TCF4: variants seen among roughly 807,000 people sequenced by gnomAD.
The protein encoded by TCF4 is SL3-3 enhancer factor 2.
TCF4 carries 3 observed loss-of-function variants against 82.1 expected under a neutral mutation model. The ratio of observed to expected loss-of-function variants is 0.04; its 90% confidence interval spans 0.02 to 0.09. TCF4 has a LOEUF of 0.09. Ranked by LOEUF, TCF4 falls within the 10% of genes least tolerant of loss-of-function variation. The pLI, the probability that TCF4 is intolerant of heterozygous loss-of-function variation, is 1.00. For synonymous variants in TCF4, 276 were observed against 309.6 expected, an observed-to-expected ratio of 0.89 and a Z score of 1.14; for missense variants, 518 against 852.7, an observed-to-expected ratio of 0.61 and a Z score of 4.89.
At chr18:55,370,056 T>C (rs1161882847) in intron 6 of TCF4, among the ~76,000 whole-genome samples, 1 of 152,118 alleles carries the variant, frequency 6.6e-6, no homozygotes, top group Non-Finnish European at 1.5e-5. Flanking sequence ...AAGGCTGCAA[T>C]AGCTTTACCC....
intron 8 of TCF4, among the ~76,000 whole-genome samples, chr18:55,310,845 A>C (rs566671305): frequency 2.4e-4 from 36 of 152,326 alleles, no homozygotes; most frequent in African/African-American, 8.4e-4. Flanking sequence ...GTAGGGAAAA[A>C]ATGGTAATAC....
At chr18:55,444,219 A>G (rs894181230) in intron 5 of TCF4, among the ~76,000 whole-genome samples, 2 of 152,314 alleles carry the variant, frequency 1.3e-5, no homozygotes, top group Non-Finnish European at 2.9e-5. Context: ...TTAATGTTAA[A>G]AACACTTAAT....
chr18:55,522,112 T>A (rs1421890325), intron 3 of TCF4, among the ~76,000 whole-genome samples: 2 of 152,106 alleles, frequency 1.3e-5, no homozygotes, highest in Admixed American at 6.6e-5. Flanking sequence ...AACTAAAAAC[T>A]GGAAAAGACT....
At chr18:55,429,230 T>C (rs1159907986) in intron 5 of TCF4, among the ~76,000 whole-genome samples, 1 of 152,210 alleles carries the variant, frequency 6.6e-6, no homozygotes, top group Non-Finnish European at 1.5e-5. Context: ...GCCAGGGCCC[T>C]GGGCCATCCA....
At chr18:55,562,305 T>A (rs371093216) in intron 3 of TCF4, among the ~76,000 whole-genome samples, 2 of 152,234 alleles carry the variant, frequency 1.3e-5, no homozygotes, top group African/African-American at 4.8e-5. Context: ...GGAAGGATGA[T>A]TTTCATTTTT....
intron 8 of TCF4, 81 bp from the exon 9 acceptor site, chr18:55,279,737 C>G: frequency 6.3e-7 from 1 of 1,595,160 alleles, no homozygotes; most frequent in Admixed American, 1.7e-5. Context: ...AAGAAGTAGG[C>G]AGAAAGTGCT....
intron 8 of TCF4, among the ~76,000 whole-genome samples, chr18:55,348,560 C>T (rs146391406): frequency 1.8e-4 from 27 of 152,214 alleles, no homozygotes; most frequent in African/African-American, 6.3e-4. Flanking sequence ...GCAGCAACAC[C>T]TAAATTGTCT....
At chr18:55,392,155 G>A (rs1333318590) in intron 6 of TCF4, among the ~76,000 whole-genome samples, 2 of 150,342 alleles carry the variant, frequency 1.3e-5, no homozygotes, top group African/African-American at 2.4e-5. Flanking sequence ...AGTAGAGATG[G>A]CATTTCGCCA....
chr18:55,392,162 G>A (rs2093170998), intron 6 of TCF4, among the ~76,000 whole-genome samples: 2 of 150,358 alleles, frequency 1.3e-5, no homozygotes, highest in South Asian at 2.1e-4. Context: ...ATGGCATTTC[G>A]CCATGTTCGT....
At chr18:55,247,609 C>G (rs968882935) in intron 15 of TCF4, among the ~76,000 whole-genome samples, 1 of 152,144 alleles carries the variant, frequency 6.6e-6, no homozygotes, top group Non-Finnish European at 1.5e-5. Context: ...CTTTCTTAAG[C>G]ACTGTGTTCA....
At chr18:55,304,064 G>C (rs978643375) in intron 8 of TCF4, among the ~76,000 whole-genome samples, 2 of 152,106 alleles carry the variant, frequency 1.3e-5, no homozygotes, top group African/African-American at 2.4e-5. Context: ...GTTAAGGAAA[G>C]GATATTAGCA....
At chr18:55,319,120 T>C (rs941455446) in intron 8 of TCF4, among the ~76,000 whole-genome samples, 6 of 152,150 alleles carry the variant, frequency 3.9e-5, no homozygotes, top group African/African-American at 1.4e-4. Flanking sequence ...ACTTCAACAA[T>C]TCAGGTTCAA....
intron 8 of TCF4, among the ~76,000 whole-genome samples, chr18:55,290,279 T>C (rs1323731416): frequency 6.6e-6 from 1 of 152,184 alleles, no homozygotes; most frequent in Non-Finnish European, 1.5e-5. Flanking sequence ...TTAGATGCGA[T>C]TGGAGTGAAC....
At chr18:55,419,395 T>C (rs1199535322) in intron 5 of TCF4, among the ~76,000 whole-genome samples, 1 of 152,186 alleles carries the variant, frequency 6.6e-6, no homozygotes, top group Non-Finnish European at 1.5e-5. Flanking sequence ...CATCCAACCA[T>C]TTCATGAGGC....
At chr18:55,330,819 G>A (rs1255184770) in intron 8 of TCF4, among the ~76,000 whole-genome samples, 1 of 152,088 alleles carries the variant, frequency 6.6e-6, no homozygotes, top group Non-Finnish European at 1.5e-5. Context: ...CGCCCGCCCC[G>A]GCCTCCCAAA....
chr18:55,568,624 G>T (rs1295973228), intron 3 of TCF4, among the ~76,000 whole-genome samples: 3 of 151,846 alleles, frequency 2.0e-5, no homozygotes, highest in Non-Finnish European at 4.4e-5. Flanking sequence ...TATATCAGTG[G>T]CTTAAAATCT....
At chr18:55,581,682 G>A (rs542927292) in intron 3 of TCF4, among the ~76,000 whole-genome samples, 24 of 151,748 alleles carry the variant, frequency 1.6e-4, no homozygotes, top group Middle Eastern at 3.4e-3. Context: ...ACTACCCACC[G>A]GACTGATTTT....
chr18:55,238,772 A>C (rs1319875620), intron 15 of TCF4, among the ~76,000 whole-genome samples: 1 of 152,104 alleles, frequency 6.6e-6, no homozygotes, highest in African/African-American at 2.4e-5. Flanking sequence ...CTCTTTCTTC[A>C]TGATACCTCT....
chr18:55,330,810 G>A (rs1166833048), intron 8 of TCF4, among the ~76,000 whole-genome samples: 3 of 152,026 alleles, frequency 2.0e-5, no homozygotes, highest in South Asian at 2.1e-4. Context: ...CTCGTGATCC[G>A]CCCGCCCCGG....
Sources: allele counts gnomAD v4.1 joint callset (sites outside exome capture counted in the v4.1 genomes callset), GRCh38; gene constraint gnomAD v4.1.1; transcripts MANE v1.5; gene names NCBI Gene and HGNC (gene_info 2026-07-23, HGNC 2026-07-21).